The following SLC12A6 variants were observed in gnomAD, a reference collection of about 807,000 sequenced individuals.
SLC12A6 encodes K-Cl cotransporter 3.
In SLC12A6, 66 loss-of-function variants were observed where a neutral mutation model predicts 135.3. The ratio of observed to expected loss-of-function variants is 0.49; its 90% confidence interval spans 0.40 to 0.60. The LOEUF (loss-of-function observed/expected upper bound fraction) is 0.60, where lower values mean the gene tolerates loss of function less well. SLC12A6 is among the 20% of genes least tolerant of loss of function. The pLI is 0.00. For synonymous variants in SLC12A6, 513 were observed against 508.8 expected (o/e 1.01, Z -0.11); for missense variants, 1,058 against 1,452.3 (o/e 0.73, Z 4.41).
chr15:34,283,982 T>C (rs967500992), intron 2 of SLC12A6, among the ~76,000 whole-genome samples: 6 of 152,158 alleles, frequency 3.9e-5, no homozygotes, highest in Admixed American at 3.3e-4. Flanking sequence ...TCTCAAACTC[T>C]GGGGCTCAGG....
At position 34,261,024 on chromosome 15, in the gene SLC12A6, G is replaced by GAAAAAAAA; in HGVS notation, c.317-12_317-5dup. ...CGAGCTTTCTTATGTCCGTCGTCTG[G>GAAAAAAAA]AAAAAAAAAAGTAGACCAAGTTAGT... On this transcript the variant is annotated splice_region_variant and splice_polypyrimidine_tract_variant and intron_variant, in intron 3 of 25. Transcript: ENST00000354181. 1 of 1,302,976 alleles carries GAAAAAAAA rather than the reference G, an allele frequency of 7.7e-7. No homozygotes were observed. The highest frequency in any genetic ancestry group is 2.0e-5 in the Admixed American group (1 of 50,826). The allele number at this position is 1,302,976 out of a possible 1,614,324, so 80.7% of individuals were successfully genotyped here. A position where few individuals can be genotyped will look rare whatever the true frequency, so the allele number is the denominator to read the frequency against.
chr15:34,296,106 T>C (rs184381496), intron 2 of SLC12A6, among the ~76,000 whole-genome samples: 192 of 152,342 alleles, frequency 1.3e-3, no homozygotes, highest in African/African-American at 4.3e-3. Flanking sequence ...TTATTAATGA[T>C]TCCAATTCAA....
chr15:34,236,672 G>A, intron 23 of SLC12A6, 36 bp downstream of exon 23: 2 of 1,193,440 alleles, frequency 1.7e-6, no homozygotes. Context: ...ACAGACTTTA[G>A]AGAGCACGGA....
chr15:34,245,201 A>G (rs1891898180), intron 15 of SLC12A6, 84 bp downstream of exon 15: 7 of 830,198 alleles, frequency 8.4e-6, no homozygotes, highest in Non-Finnish European at 1.3e-5. Context: ...CTCTGTTATC[A>G]CTACTGTTAT....
chr15:34,318,586 G>A (rs777034990), intron 2 of SLC12A6: 1 of 1,613,952 alleles, frequency 6.2e-7, no homozygotes, highest in Non-Finnish European at 8.5e-7. Context: ...CCTGAATCCG[G>A]GCTTTTATGT....
At chr15:34,274,639 C>A (rs919466358) in intron 3 of SLC12A6, among the ~76,000 whole-genome samples, 1 of 151,954 alleles carries the variant, frequency 6.6e-6, no homozygotes, top group South Asian at 2.1e-4. Flanking sequence ...ATGGTGAAAC[C>A]CTGTCTGTAC....
At chr15:34,255,788 T>C (rs566400818) in intron 7 of SLC12A6, among the ~76,000 whole-genome samples, 9 of 147,606 alleles carry the variant, frequency 6.1e-5, no homozygotes, top group South Asian at 2.2e-4. Flanking sequence ...CTGGGTAACA[T>C]AGTAAAATGT....
At chr15:34,307,718 G>T (rs1896687846) in intron 2 of SLC12A6, among the ~76,000 whole-genome samples, 1 of 152,118 alleles carries the variant, frequency 6.6e-6, no homozygotes, top group South Asian at 2.1e-4. Flanking sequence ...CTGAATGTGG[G>T]TATATGTAAT....
chr15:34,251,535 C>T (rs966433884), intron 10 of SLC12A6, among the ~76,000 whole-genome samples: 2 of 152,172 alleles, frequency 1.3e-5, no homozygotes, highest in Non-Finnish European at 2.9e-5. Flanking sequence ...GCATAACCCA[C>T]GGCGCCCAGC....
At chr15:34,335,961 G>A (rs1238290091) in intron 2 of SLC12A6, among the ~76,000 whole-genome samples, 1 of 152,166 alleles carries the variant, frequency 6.6e-6, no homozygotes, top group Non-Finnish European at 1.5e-5. Flanking sequence ...TCGAAGTCTT[G>A]GAGGAAAGCT....
chr15:34,261,751 C>T (rs1273187469), intron 3 of SLC12A6, among the ~76,000 whole-genome samples: 3 of 152,172 alleles, frequency 2.0e-5, no homozygotes, highest in African/African-American at 7.2e-5. Context: ...AGCTGTCTGA[C>T]CTTTTATAAA....
chr15:34,238,480 G>C (rs1283739725), intron 20 of SLC12A6, 79 bp from the exon 21 acceptor site: 1 of 1,115,678 alleles, frequency 9.0e-7, no homozygotes, highest in Non-Finnish European at 1.3e-6. Context: ...GCAAGGAAAT[G>C]CTCTTTTCAC....
chr15:34,243,074 G>A (rs895761640), intron 16 of SLC12A6, among the ~76,000 whole-genome samples: 1 of 152,116 alleles, frequency 6.6e-6, no homozygotes. Context: ...TGTATTTTTA[G>A]TAGAGACGGG....
At chr15:34,235,132 A>C in intron 25 of SLC12A6, 49 bp downstream of exon 25, 2 of 1,533,466 alleles carry the variant, frequency 1.3e-6, no homozygotes, top group East Asian at 4.5e-5. Flanking sequence ...TCTCAGAAAG[A>C]GGTTAAGGAG....
At chr15:34,302,957 C>CAAAAAAAA (rs35647149) in intron 2 of SLC12A6, among the ~76,000 whole-genome samples, 6 of 83,290 alleles carry the variant, frequency 7.2e-5, no homozygotes, top group South Asian at 4.3e-4. Flanking sequence ...GACCCTGTCT[C>CAAAAAAAA]AAAAAAAAAA....
intron 2 of SLC12A6, among the ~76,000 whole-genome samples, chr15:34,295,942 A>T (rs1312274513): frequency 3.3e-5 from 5 of 152,176 alleles, no homozygotes; most frequent in Non-Finnish European, 7.3e-5. Flanking sequence ...GGAGGTTGCA[A>T]TGAGCTGAGA....
At chr15:34,248,296 A>T (rs1190877451) in intron 13 of SLC12A6, among the ~76,000 whole-genome samples, 1 of 152,240 alleles carries the variant, frequency 6.6e-6, no homozygotes, top group Non-Finnish European at 1.5e-5. Flanking sequence ...AAATAAGAAT[A>T]ACACTACTGT....
intron 2 of SLC12A6, among the ~76,000 whole-genome samples, chr15:34,295,346 G>A (rs908485687): frequency 2.0e-5 from 3 of 152,180 alleles, no homozygotes; most frequent in African/African-American, 7.2e-5. Flanking sequence ...GTAACCTTGG[G>A]AAAATGAGTC....
Position 34,262,943 on chromosome 15 carries a change from G to A in SLC12A6, c.317-1923C>T, listed in dbSNP as rs79621765. Among the ~76,000 whole-genome samples the A allele has an allele frequency of 4.8e-3, 725 of 152,320 alleles. 7 individuals are homozygous for A. Among genetic ancestry groups the A allele is most frequent in the African/African-American group, 0.016 (679 of 41,568 alleles). On this transcript the variant is annotated intron_variant, in intron 3 of 25. Transcript: ENST00000354181. ...TCTCTTCTGGTGAGCTCGGGCCTGA[G>A]CAAAGCCTGGGCATGGATGTTGCTG...
Sources: allele counts gnomAD v4.1 joint callset (sites outside exome capture counted in the v4.1 genomes callset), GRCh38; gene constraint gnomAD v4.1.1; transcripts MANE v1.5; gene names NCBI Gene and HGNC (gene_info 2026-07-23, HGNC 2026-07-21).